CHKA: variants seen among roughly 807,000 people sequenced by gnomAD.
CHKA encodes the protein CHETK-alpha.
In CHKA, 34 loss-of-function variants were observed where a neutral mutation model predicts 60.1. The ratio of observed to expected loss-of-function variants is 0.57; its 90% CI spans 0.43 to 0.75. The LOEUF (loss-of-function observed/expected upper bound fraction) is 0.75. Among genes scored for constraint, CHKA ranks in the 30% least tolerant of loss-of-function variants. The probability of loss-of-function intolerance (pLI) is 0.00; values close to 1 mark genes in which losing one functional copy is unlikely to be tolerated. For synonymous variants in CHKA, 217 were observed against 223.1 expected (o/e 0.97, Z 0.24); for missense variants, 563 against 561.3 (o/e 1.00, Z -0.03).
intron 2 of CHKA, among the ~76,000 whole-genome samples, chr11:68,084,667 AT>A (rs1857123434): frequency 6.6e-6 from 1 of 151,832 alleles, no homozygotes. Flanking sequence ...TAATTATTAA[AT>A]TTTTTTAATG....
At chr11:68,116,631 C>T (rs1470077180) in intron 1 of CHKA, among the ~76,000 whole-genome samples, 3 of 151,556 alleles carry the variant, frequency 2.0e-5, no homozygotes, top group Non-Finnish European at 4.4e-5. Context: ...GCAGGAGAAT[C>T]GCTTGAACCT....
intron 1 of CHKA, among the ~76,000 whole-genome samples, chr11:68,108,190 C>T (rs994077041): frequency 1.3e-5 from 2 of 152,268 alleles, no homozygotes; most frequent in East Asian, 3.9e-4. Context: ...CAGTGGCACA[C>T]ACCTGTAGTC....
At chr11:68,056,549 A>C (rs890036160) in intron 11 of CHKA, among the ~76,000 whole-genome samples, 2 of 152,178 alleles carry the variant, frequency 1.3e-5, no homozygotes, top group Non-Finnish European at 2.9e-5. Context: ...CATCTCCATA[A>C]AATGCCCAAG....
At position 68,081,389 on chromosome 11, in the gene CHKA, G is replaced by C; in HGVS notation, c.516+15C>G. 6.2e-7 allele frequency: 1 copy of C among 1,609,592 alleles called. No individual in the cohort carries two copies. The highest frequency in any genetic ancestry group is 8.5e-7 in the Non-Finnish European group (1 of 1,175,988). On this transcript the variant is annotated intron_variant, in intron 3 of 11. Transcript: ENST00000265689. ...TTCACATCTCACACAGATGCAGAAA[G>C]ACTGAATTACTTACTTGAAATTCAT...
chr11:68,054,297 C>T (rs1329199120), intron 11 of CHKA, among the ~76,000 whole-genome samples: 1 of 152,232 alleles, frequency 6.6e-6, no homozygotes, highest in African/African-American at 2.4e-5. Context: ...TGGGCCAGCC[C>T]AGCCCTGCCT....
At chr11:68,083,982 T>A (rs1857072909) in intron 2 of CHKA, among the ~76,000 whole-genome samples, 1 of 152,012 alleles carries the variant, frequency 6.6e-6, no homozygotes, top group African/African-American at 2.4e-5. Flanking sequence ...GGGTGGCCCA[T>A]GCCTGTAATC....
chr11:68,072,980 G>A (rs901109153), intron 4 of CHKA, among the ~76,000 whole-genome samples: 10 of 152,212 alleles, frequency 6.6e-5, no homozygotes, highest in African/African-American at 2.4e-4. Flanking sequence ...GGGCAAGAGA[G>A]TGAGACTCCC....
chr11:68,111,279 G>C (rs1261977356), intron 1 of CHKA, among the ~76,000 whole-genome samples: 1 of 152,118 alleles, frequency 6.6e-6, no homozygotes, highest in African/African-American at 2.4e-5. Flanking sequence ...GGGCGTGGTG[G>C]TGGGCGCCTG....
At chr11:68,086,988 A>G (rs1455336919) in intron 2 of CHKA, among the ~76,000 whole-genome samples, 3 of 151,352 alleles carry the variant, frequency 2.0e-5, no homozygotes, top group Middle Eastern at 3.4e-3. Context: ...TCCGTCTCAA[A>G]AAAAAAAAAT....
chr11:68,053,513 A>G lies in CHKA; in HGVS notation c.*475T>C, dbSNP rs1227972205. On this transcript the variant is annotated 3_prime_UTR_variant, in exon 12 of 12. Transcript: ENST00000265689. ...TTGCAGCAGTGACTGGCGACTTTGC[A>G]GTACATCTCTGCTCACTTGCTGTCC... 1 of 153,296 alleles carries G rather than the reference A, an allele frequency of 6.5e-6. No individual in the cohort carries two copies. Among genetic ancestry groups the G allele is most frequent in the Non-Finnish European group, 1.5e-5 (1 of 68,808 alleles). The allele number at this position is 153,296 out of a possible 1,614,324, so 9.5% of individuals were successfully genotyped here.
chr11:68,081,035 G>T (rs1309233330), intron 3 of CHKA, among the ~76,000 whole-genome samples: 1 of 152,228 alleles, frequency 6.6e-6, no homozygotes, highest in Admixed American at 6.5e-5. Flanking sequence ...CTTCCTGATG[G>T]GAAGTGTGGG....
intron 2 of CHKA, among the ~76,000 whole-genome samples, chr11:68,092,107 T>C (rs771804455): frequency 2.0e-4 from 31 of 152,198 alleles, no homozygotes; most frequent in South Asian, 4.1e-4. Context: ...TAAGTACACA[T>C]ACATGTATAG....
chr11:68,069,441 C>T (rs1856545129), intron 6 of CHKA, among the ~76,000 whole-genome samples: 2 of 152,086 alleles, frequency 1.3e-5, no homozygotes, highest in South Asian at 2.1e-4. Flanking sequence ...AATCCTAGCA[C>T]TTTGGGAGGC....
At chr11:68,078,730 T>C (rs1194256188) in intron 3 of CHKA, among the ~76,000 whole-genome samples, 1 of 152,108 alleles carries the variant, frequency 6.6e-6, no homozygotes, top group Admixed American at 6.6e-5. Flanking sequence ...GAGGAGACAT[T>C]TCCAAAATAA....
In CHKA at chr11:68,097,087, T is replaced by C. The variant is rs763663084; in HGVS notation, c.394A>G (p.Thr132Ala). The C allele has an allele frequency of 2.5e-5, 41 of 1,613,764 alleles. No homozygotes were observed. The highest frequency in any genetic ancestry group is 3.4e-5 in the Non-Finnish European group (40 of 1,179,852). Residue 132 changes from threonine (T) to alanine (A), a missense_variant, in exon 2 of 12, where the codon ACC (threonine) becomes GCC (alanine). Physicochemically the swap from Thr to Ala is moderately conservative, Grantham distance 58. Coordinates refer to ENST00000265689, the MANE Select transcript of CHKA (RefSeq NM_001277.3). Reference protein sequence around the residue: ...NMLFQCSLPDTTATLGDEPRK... With the variant: ...NMLFQCSLPDATATLGDEPRK... Reference sequence around the variant, plus strand: ...GGCTCATCACCAAGGGTGGCTGTGGTGTCAGGTAGGGAGCACTGGAACAGC... The same window carrying C: ...GGCTCATCACCAAGGGTGGCTGTGGCGTCAGGTAGGGAGCACTGGAACAGC...
At chr11:68,058,685 T>C (rs1483177569) in intron 11 of CHKA, among the ~76,000 whole-genome samples, 1 of 152,226 alleles carries the variant, frequency 6.6e-6, no homozygotes, top group Non-Finnish European at 1.5e-5. Context: ...CACACAATCA[T>C]GTCACCTAAA....
chr11:68,072,587 C>T (rs1190577389), intron 4 of CHKA, among the ~76,000 whole-genome samples: 1 of 139,296 alleles, frequency 7.2e-6, no homozygotes, highest in African/African-American at 2.7e-5. Flanking sequence ...CTAGAAATAA[C>T]ATACGGTATT....
intron 2 of CHKA, among the ~76,000 whole-genome samples, chr11:68,088,056 C>T (rs970733846): frequency 1.3e-4 from 18 of 138,388 alleles, no homozygotes; most frequent in Non-Finnish European, 1.8e-4. Flanking sequence ...GAGGTTGCCG[C>T]GAGCTAAGAT....
chr11:68,064,026 T>A (rs1856348279), intron 10 of CHKA, among the ~76,000 whole-genome samples: 1 of 152,188 alleles, frequency 6.6e-6, no homozygotes, highest in Non-Finnish European at 1.5e-5. Flanking sequence ...TATGCTCAGA[T>A]CTGAAAGCTC....
Sources: allele counts gnomAD v4.1 joint callset (sites outside exome capture counted in the v4.1 genomes callset), GRCh38; gene constraint gnomAD v4.1.1; transcripts MANE v1.5; gene names NCBI Gene and HGNC (gene_info 2026-07-23, HGNC 2026-07-21).